Variants in ZFAT observed in about 807,000 individuals in gnomAD.
ZFAT encodes the protein zinc finger protein ZFAT.
A neutral mutation model predicts 117.7 loss-of-function variants in ZFAT; 64 were observed. The observed-to-expected ratio is 0.54, with a 90% CI of 0.44 to 0.67. The LOEUF (loss-of-function observed/expected upper bound fraction) is 0.67. Ranked by LOEUF, ZFAT falls within the 30% of genes least tolerant of loss-of-function variation. The pLI, the probability that ZFAT is intolerant of heterozygous loss-of-function variation, is 0.00. For missense variants in ZFAT, 1,433 were observed against 1,584.5 expected (o/e 0.90, Z 1.62); for synonymous variants, 679 against 615.0 (o/e 1.10, Z -1.54).
At chr8:134,793,679 C>G in the ZFAT span, 1 of 152,104 alleles carries the variant, frequency 6.6e-6, no homozygotes, top group Non-Finnish European at 1.5e-5. Context: ...TGCTCACCTC[C>G]TGCTGTGCAG....
chr8:134,568,463 G>C (rs1179564597), intron 10 of ZFAT, among the ~76,000 whole-genome samples: 2 of 152,232 alleles, frequency 1.3e-5, no homozygotes, highest in African/African-American at 4.8e-5. Flanking sequence ...AAACTGTGCT[G>C]TGTTCTTCAC....
At chr8:134,671,944 T>G (rs1832580552) in intron 1 of ZFAT, among the ~76,000 whole-genome samples, 1 of 152,322 alleles carries the variant, frequency 6.6e-6, no homozygotes, top group Non-Finnish European at 1.5e-5. Context: ...ATCACAAGCA[T>G]TCTTATACAC....
the ZFAT span, among the ~76,000 whole-genome samples, chr8:134,745,317 C>T: frequency 6.6e-6 from 1 of 152,200 alleles, no homozygotes; most frequent in Admixed American, 6.5e-5. Flanking sequence ...GGTATCCTTG[C>T]ACTGCTCTTG....
At chr8:134,597,647 C>T (rs1827063761) in intron 7 of ZFAT, 1 of 152,114 alleles carries the variant, frequency 6.6e-6, no homozygotes, top group South Asian at 2.1e-4. Context: ...ACCAAGAGCA[C>T]CCTGAAGGCA....
chr8:134,562,730 A>G (rs1197605403), intron 11 of ZFAT, among the ~76,000 whole-genome samples: 2 of 152,202 alleles, frequency 1.3e-5, no homozygotes, highest in African/African-American at 4.8e-5. Context: ...CCGGACACCA[A>G]CTATGTAATG....
the ZFAT span, among the ~76,000 whole-genome samples, chr8:134,813,736 ACAAC>A: frequency 6.6e-6 from 1 of 151,986 alleles, no homozygotes; most frequent in Admixed American, 6.6e-5. Flanking sequence ...AATTCTTTAT[ACAAC>A]TATAATATAG....
intron 11 of ZFAT, among the ~76,000 whole-genome samples, chr8:134,541,029 C>T (rs561063084): frequency 4.1e-4 from 63 of 152,156 alleles, no homozygotes; most frequent in Non-Finnish European, 8.4e-4. Context: ...AGCAGGACTC[C>T]GGGCCCTGGG....
rs144049103 is a variant in ZFAT, at chr8:134,638,321, C to G, written c.197-609G>C. 1.3e-5 allele frequency among the ~76,000 whole-genome samples: 2 copies of G among 152,206 alleles called. 1 individual carries two copies. Among genetic ancestry groups the G allele is most frequent in the Non-Finnish European group, 2.9e-5 (2 of 68,014 alleles). ...TGGCATGATCACAGCTGCTTTAGAGCAAGTTTAAAATCATTTTACAACTTG... is the reference window on the plus strand; with the variant it reads ...TGGCATGATCACAGCTGCTTTAGAGGAAGTTTAAAATCATTTTACAACTTG... On this transcript the variant is annotated intron_variant, in intron 2 of 15. Transcript: ENST00000377838.
chr8:134,592,556 G>C (rs1157665349), intron 7 of ZFAT, among the ~76,000 whole-genome samples: 1 of 152,164 alleles, frequency 6.6e-6, no homozygotes, highest in Non-Finnish European at 1.5e-5. Flanking sequence ...AAAAAACAAT[G>C]CCTCCTTCAC....
At chr8:134,533,480 G>A (rs1821587316) in intron 11 of ZFAT, among the ~76,000 whole-genome samples, 1 of 152,206 alleles carries the variant, frequency 6.6e-6, no homozygotes, top group Non-Finnish European at 1.5e-5. Context: ...CTACAGCTGT[G>A]TAAGTACATT....
intron 13 of ZFAT, among the ~76,000 whole-genome samples, chr8:134,517,569 A>T (rs1309506182): frequency 6.6e-6 from 1 of 152,176 alleles, no homozygotes; most frequent in Non-Finnish European, 1.5e-5. Flanking sequence ...CAAAACAAGA[A>T]ATTAACATTT....
chr8:134,572,008 A>G (rs1254490311), intron 10 of ZFAT, among the ~76,000 whole-genome samples: 1 of 152,228 alleles, frequency 6.6e-6, no homozygotes, highest in Non-Finnish European at 1.5e-5. Flanking sequence ...GTTTACATGC[A>G]AGAAAGAAGC....
At chr8:134,500,076 G>T (rs2130259798) in intron 15 of ZFAT, among the ~76,000 whole-genome samples, 3 of 152,332 alleles carry the variant, frequency 2.0e-5, no homozygotes, top group Middle Eastern at 6.8e-3. Context: ...ATGCGGGACA[G>T]CTCTGCCTCA....
chr8:134,635,653 G>GAC (rs1830165424), intron 3 of ZFAT, among the ~76,000 whole-genome samples: 1 of 151,130 alleles, frequency 6.6e-6, no homozygotes, highest in African/African-American at 2.4e-5. Context: ...GAGAGGGAGA[G>GAC]AGAGAGAGAG....
chr8:134,583,635 C>T (rs1047353021), intron 10 of ZFAT, among the ~76,000 whole-genome samples, 197 bp downstream of exon 10: 6 of 152,182 alleles, frequency 3.9e-5, no homozygotes, highest in Admixed American at 1.3e-4. Context: ...AGTGTTTATC[C>T]TGCACCTGCT....
At position 134,602,715 on chromosome 8, in the gene ZFAT, C is replaced by G; in HGVS notation, c.1004G>C (p.Cys335Ser). 6.2e-7 allele frequency: 1 copy of G among 1,614,020 alleles called. No individual in the cohort carries two copies. Among genetic ancestry groups the G allele is most frequent in the East Asian group, 2.2e-5 (1 of 44,880 alleles). Reference sequence around the variant, plus strand: ...CACCTTGAGGTGGCCCTTGCTCAGGCAGGTGAACGAGCAATAGTCGCAGGC... The same window carrying G: ...CACCTTGAGGTGGCCCTTGCTCAGGGAGGTGAACGAGCAATAGTCGCAGGC... ...KFACDYCSFT[C>S]LSKGHLKVHI... Residue 335 changes from cysteine to serine, a missense_variant, in exon 6 of 16, where the codon TGC (cysteine) becomes TCC (serine). This residue lies in a region of ZFAT where 436 missense variants were observed against 482.0 expected (regional missense o/e 0.90). Transcript: ENST00000377838.
At position 134,699,138 on chromosome 8, in the gene ZFAT, G is replaced by T. The variant is rs372310573; in HGVS notation, c.19+13707C>A. Among the ~76,000 whole-genome samples the T allele has an allele frequency of 2.6e-5, 4 of 151,954 alleles. No individual in the cohort carries two copies. The East Asian group carries it at 7.7e-4, about 29-fold the overall frequency. ...AATCATTGCCCCTCACCCCCTCCCC[G>T]CATTGCGTAGGGAACTGAGGATAAA... On this transcript the variant is annotated intron_variant, in intron 1 of 15. Coordinates refer to ENST00000377838, the MANE Select transcript of ZFAT (RefSeq NM_020863.4).
chr8:134,770,220 A>G, the ZFAT span, among the ~76,000 whole-genome samples: 1 of 152,136 alleles, frequency 6.6e-6, no homozygotes, highest in Non-Finnish European at 1.5e-5. Context: ...CAGGCTGCAA[A>G]TTTTCCAAAC....
At chr8:134,676,804 G>A (rs200085971) in intron 1 of ZFAT, among the ~76,000 whole-genome samples, 5 of 152,124 alleles carry the variant, frequency 3.3e-5, no homozygotes, top group African/African-American at 7.2e-5. Context: ...ACTCAAAACC[G>A]CTCAATTACA....
Sources: gnomAD v4.1 joint callset for allele counts (sites outside exome capture counted in the v4.1 genomes callset) on GRCh38, gnomAD v4.1.1 for gene constraint, gnomAD v4.1.1 regional missense constraint, MANE v1.5 for transcripts, NCBI Gene and HGNC (gene_info 2026-07-23, HGNC 2026-07-21) for gene names.